Variants in ANP32B observed in about 807,000 individuals in gnomAD.
The protein encoded by ANP32B is acidic leucine-rich nuclear phosphoprotein 32 family member B.
ANP32B carries 6 observed loss-of-function variants against 32.2 expected under a neutral mutation model. The observed-to-expected ratio is 0.19, with a 90% CI of 0.10 to 0.37. The LOEUF (loss-of-function observed/expected upper bound fraction) is 0.37, where lower values mean the gene tolerates loss of function less well. ANP32B is among the 10% of genes least tolerant of loss of function. The pLI is 1.00. For missense variants in ANP32B, 204 were observed against 289.2 expected (o/e 0.71, Z 2.14); for synonymous variants, 98 against 105.8 (o/e 0.93, Z 0.45).
At chr9:97,984,552 C>T (rs1564133895) in intron 1 of ANP32B, 2 of 144,466 alleles carry the variant, frequency 1.4e-5, no homozygotes, top group African/African-American at 5.2e-5. Context: ...TCACGCCAGC[C>T]GGGGCGCGCC....
Position 97,994,682 on chromosome 9 carries a change from G to A in ANP32B, c.106G>A (p.Gly36Ser). 1.2e-6 allele frequency: 2 copies of A among 1,611,408 alleles called. No homozygotes were observed. The highest frequency in any genetic ancestry group is 1.3e-5 in the African/African-American group (1 of 74,858). ...CAAATCAAATGATGGAAAAATTGAG[G>A]GCTTAACAGCTGAATTTGTGAACTT... ...NCKSNDGKIE[G>S]LTAEFVNLEF... Residue 36 changes from glycine to serine, a missense_variant, in exon 2 of 7, where the codon GGC becomes AGC. Coordinates refer to ENST00000339399, the MANE Select transcript of ANP32B (RefSeq NM_006401.3).
chr9:97,983,731 T>A, intron 1 of ANP32B, 122 bp downstream of exon 1: 1 of 717,908 alleles, frequency 1.4e-6, no homozygotes, highest in Non-Finnish European at 2.0e-6. Flanking sequence ...GCTCGTGGGC[T>A]CGGACGGGGA....
chr9:97,993,412 C>G (rs1053246570), intron 1 of ANP32B, among the ~76,000 whole-genome samples: 1 of 152,182 alleles, frequency 6.6e-6, no homozygotes, highest in Non-Finnish European at 1.5e-5. Flanking sequence ...CATCTCCCTA[C>G]TGTATACATG....
chr9:97,984,282 C>T (rs1827660108), intron 1 of ANP32B, among the ~76,000 whole-genome samples: 1 of 151,122 alleles, frequency 6.6e-6, no homozygotes, highest in Admixed American at 6.6e-5. Context: ...AACCGCCGCC[C>T]CTCCCGAGGC....
intron 3 of ANP32B, among the ~76,000 whole-genome samples, chr9:98,003,853 G>A (rs1227261168): frequency 1.3e-5 from 2 of 152,174 alleles, no homozygotes; most frequent in Non-Finnish European, 2.9e-5. Context: ...TAAAGGTTGT[G>A]TTTATGAAGC....
Position 98,015,878 on chromosome 9 carries a change from A to G in ANP32B, c.*447A>G. ...TATTTTTTTTACATTAGGACATTTTATGTGACAACTGCCAAAAAAGTATTT... is the reference window on the plus strand; with the variant it reads ...TATTTTTTTTACATTAGGACATTTTGTGTGACAACTGCCAAAAAAGTATTT... On this transcript the variant is annotated 3_prime_UTR_variant, in exon 7 of 7. Transcript: ENST00000339399. The G allele has an allele frequency of 1.0e-6, 1 of 967,804 alleles. No homozygotes were observed. The highest frequency in any genetic ancestry group is 1.2e-6 in the Non-Finnish European group (1 of 813,700). 60.0% of individuals were successfully genotyped at this position (967,804 alleles called of 1,614,324 possible).
At chr9:98,006,988 A>G (rs1464144545) in intron 4 of ANP32B, among the ~76,000 whole-genome samples, 1 of 151,002 alleles carries the variant, frequency 6.6e-6, no homozygotes, top group Non-Finnish European at 1.5e-5. Context: ...ACTCCATCTC[A>G]AAAAACAAAC....
intron 4 of ANP32B, 28 bp from the exon 5 acceptor site, chr9:98,011,243 T>G: frequency 6.5e-7 from 1 of 1,549,880 alleles, no homozygotes. Context: ...CGAGGATATT[T>G]AATGAATCCC....
intron 4 of ANP32B, among the ~76,000 whole-genome samples, chr9:98,006,308 G>A (rs1201941115): frequency 6.6e-6 from 1 of 152,190 alleles, no homozygotes; most frequent in African/African-American, 2.4e-5. Flanking sequence ...TACTTCAGTT[G>A]TACAGCTGTA....
intron 1 of ANP32B, chr9:97,986,752 T>TG (rs1827741504): frequency 6.6e-6 from 1 of 152,256 alleles, no homozygotes; most frequent in Admixed American, 6.5e-5. Context: ...ACTTGTCGTG[T>TG]GGGGTAACAT....
At chr9:98,013,869 A>G (rs1348018839) in intron 6 of ANP32B, among the ~76,000 whole-genome samples, 1 of 152,056 alleles carries the variant, frequency 6.6e-6, no homozygotes, top group Non-Finnish European at 1.5e-5. Flanking sequence ...AAAAAAAAAA[A>G]GTTAGCTGCA....
intron 2 of ANP32B, among the ~76,000 whole-genome samples, chr9:97,995,397 G>A (rs1304612225): frequency 6.6e-6 from 1 of 152,220 alleles, no homozygotes; most frequent in Non-Finnish European, 1.5e-5. Context: ...GAAAAGATAT[G>A]TGGTTATATA....
At chr9:97,985,073 C>A (rs1302338703) in intron 1 of ANP32B, among the ~76,000 whole-genome samples, 1 of 150,384 alleles carries the variant, frequency 6.6e-6, no homozygotes, top group Non-Finnish European at 1.5e-5. Context: ...CGAGCCCCCC[C>A]CCCGCCGCGG....
At chr9:97,984,238 G>C (rs906805751) in intron 1 of ANP32B, among the ~76,000 whole-genome samples, 1 of 151,008 alleles carries the variant, frequency 6.6e-6, no homozygotes, top group Non-Finnish European at 1.5e-5. Context: ...GCGCGGAGCG[G>C]GGGAGGGGCG....
chr9:97,985,074 C>CG (rs939951482), intron 1 of ANP32B, among the ~76,000 whole-genome samples: 1 of 150,240 alleles, frequency 6.7e-6, no homozygotes, highest in Non-Finnish European at 1.5e-5. Context: ...GAGCCCCCCC[C>CG]CCGCCGCGGA....
intron 1 of ANP32B, among the ~76,000 whole-genome samples, chr9:97,988,488 G>A (rs566961173): frequency 1.3e-5 from 2 of 152,238 alleles, no homozygotes; most frequent in South Asian, 4.2e-4. Flanking sequence ...ACTTTGGGTG[G>A]CAGAGGAGGG....
At chr9:98,010,116 G>A (rs1422755248) in intron 4 of ANP32B, among the ~76,000 whole-genome samples, 3 of 152,058 alleles carry the variant, frequency 2.0e-5, no homozygotes, top group South Asian at 2.1e-4. Flanking sequence ...TGGAAGGTGG[G>A]GGGCAGTTCC....
In ANP32B at chr9:97,998,548, T is replaced by C. The variant is rs760622494; in HGVS notation, c.205-8T>C. Reference sequence around the variant, plus strand: ...TTGTGTTTGTGTTGTGTCCATTTTCTCTTGCAGCTTGAACTCAGTGAAAAT... The same window carrying C: ...TTGTGTTTGTGTTGTGTCCATTTTCCCTTGCAGCTTGAACTCAGTGAAAAT... On this transcript the variant is annotated splice_polypyrimidine_tract_variant and splice_region_variant and intron_variant, in intron 2 of 6. Transcript: ENST00000339399. The C allele has an allele frequency of 1.1e-5, 18 of 1,601,944 alleles. No homozygotes were observed. The highest frequency in any genetic ancestry group is 1.7e-4 in the Middle Eastern group (1 of 5,906).
At chr9:97,984,311 G>A (rs1454741219) in intron 1 of ANP32B, among the ~76,000 whole-genome samples, 1 of 151,256 alleles carries the variant, frequency 6.6e-6, no homozygotes, top group Non-Finnish European at 1.5e-5. Context: ...AAAAAAGGAC[G>A]TGGTTCCCGC....
Sources: gnomAD v4.1 joint callset for allele counts (sites outside exome capture counted in the v4.1 genomes callset) on GRCh38, gnomAD v4.1.1 for gene constraint, MANE v1.5 for transcripts, NCBI Gene and HGNC (gene_info 2026-07-23, HGNC 2026-07-21) for gene names.